Variants in MACF1 observed in about 807,000 individuals in gnomAD.
The protein encoded by MACF1 is microtubule-actin cross-linking factor 1.
A neutral mutation model predicts 854.8 loss-of-function variants in MACF1; 193 were observed. The observed-to-expected ratio is 0.23, with a 90% CI of 0.20 to 0.25. The LOEUF (loss-of-function observed/expected upper bound fraction) is 0.25. Ranked by LOEUF, MACF1 falls within the 10% of genes least tolerant of loss-of-function variation. The pLI, the probability that MACF1 is intolerant of heterozygous loss-of-function variation, is 1.00. For synonymous variants in MACF1, 3,185 were observed against 3,226.7 expected (o/e 0.99, Z 0.44); for missense variants, 7,722 against 8,929.1 (o/e 0.86, Z 5.45).
intron 2 of MACF1, among the ~76,000 whole-genome samples, chr1:39,136,960 A>G (rs1643188152): frequency 6.6e-6 from 1 of 152,230 alleles, no homozygotes. Flanking sequence ...ACTTTCTGCA[A>G]AACTGAAGGT....
intron 58 of MACF1, among the ~76,000 whole-genome samples, chr1:39,408,761 G>C (rs1479184790): frequency 1.3e-5 from 2 of 152,152 alleles, no homozygotes; most frequent in African/African-American, 4.8e-5. Context: ...CCGGGGGCGG[G>C]GCGTTCCCCT....
intron 1 of MACF1, among the ~76,000 whole-genome samples, chr1:39,210,198 A>G (rs1170230810): frequency 6.6e-6 from 1 of 151,950 alleles, no homozygotes; most frequent in Non-Finnish European, 1.5e-5. Context: ...TAATTCTTCC[A>G]TTTATGGCAA....
intron 80 of MACF1, among the ~76,000 whole-genome samples, chr1:39,446,216 G>A (rs1301102118): frequency 1.3e-5 from 2 of 152,200 alleles, no homozygotes; most frequent in South Asian, 2.1e-4. Context: ...TTTATTAAAT[G>A]TGTGTGGTGC....
chr1:39,087,147 G>A (rs1641693187), intron 2 of MACF1, among the ~76,000 whole-genome samples: 1 of 152,224 alleles, frequency 6.6e-6, no homozygotes, highest in African/African-American at 2.4e-5. Context: ...GGAGACCCTG[G>A]ATGCTCTGAA....
At chr1:39,364,062 A>T (rs1298624066) in intron 49 of MACF1, among the ~76,000 whole-genome samples, 1 of 152,184 alleles carries the variant, frequency 6.6e-6, no homozygotes, top group African/African-American at 2.4e-5. Flanking sequence ...AAGGGTAAAT[A>T]CATGTATAGT....
intron 42 of MACF1, among the ~76,000 whole-genome samples, 154 bp downstream of exon 42, chr1:39,349,781 G>A (rs1400121355): frequency 1.3e-5 from 2 of 152,164 alleles, no homozygotes; most frequent in Non-Finnish European, 2.9e-5. Context: ...AAAGTCATGA[G>A]CCACCATGTC....
Position 39,149,869 on chromosome 1 carries a change from T to G in MACF1, c.220+65431T>G, listed in dbSNP as rs568639632. Among the ~76,000 whole-genome samples, 4 of 152,348 alleles carry G rather than the reference T, an allele frequency of 2.6e-5. No homozygotes were observed. In the South Asian group the frequency reaches 8.3e-4, roughly 32 times the overall value. ...CTCAAAGCCCTGTAGGAAGTCTTCTTTGATCTCTCCACTGGAAGTTAGTTC... is the reference window on the plus strand; with the variant it reads ...CTCAAAGCCCTGTAGGAAGTCTTCTGTGATCTCTCCACTGGAAGTTAGTTC... On this transcript the variant is annotated intron_variant, in intron 2 of 93. Coordinates refer to the MACF1 transcript ENST00000361689.
At chr1:39,392,111 G>T (rs147322602) in intron 58 of MACF1, among the ~76,000 whole-genome samples, 2 of 152,194 alleles carry the variant, frequency 1.3e-5, no homozygotes, top group East Asian at 3.9e-4. Context: ...TGTCCACCTT[G>T]TAGGGAAGTC....
rs574236387 is a variant in MACF1, at chr1:39,448,537, C to G, written c.20089-57C>G. 3.0e-5 allele frequency: 41 copies of G among 1,375,688 alleles called. No homozygotes were observed. The African/African-American group carries it at 5.8e-4, about 20-fold the overall frequency. 85.2% of individuals were successfully genotyped at this position (1,375,688 alleles called of 1,614,324 possible). A position where few individuals can be genotyped will look rare whatever the true frequency, so the allele number is the denominator to read the frequency against. On this transcript the variant is annotated intron_variant, in intron 83 of 100. Transcript: ENST00000564288. The stretch of plus-strand genomic sequence containing the variant: ...CCTGAAAACTCAAATTCTTTTGTTC[C>G]AAATCAAGATGTCGTCTGACTTTTA...
intron 2 of MACF1, among the ~76,000 whole-genome samples, chr1:39,140,914 C>CAG (rs1643328592): frequency 2.1e-5 from 1 of 48,270 alleles, no homozygotes; most frequent in Non-Finnish European, 3.4e-5. Flanking sequence ...GACTCTGTCT[C>CAG]AAAAAAAAAA....
At chr1:39,412,339 A>C (rs773943650) in intron 58 of MACF1, 1 of 1,614,044 alleles carries the variant, frequency 6.2e-7, no homozygotes, top group Non-Finnish European at 8.5e-7. Flanking sequence ...TGTAACTGTT[A>C]ATCAAGAAAA....
intron 2 of MACF1, among the ~76,000 whole-genome samples, chr1:39,144,855 C>G (rs1643428153): frequency 6.6e-6 from 1 of 152,058 alleles, no homozygotes; most frequent in Admixed American, 6.6e-5. Context: ...TGCAATTGCT[C>G]CATTCCTCCT....
chr1:39,311,515 T>G (rs1407475703), intron 26 of MACF1, among the ~76,000 whole-genome samples: 1 of 152,198 alleles, frequency 6.6e-6, no homozygotes, highest in Non-Finnish European at 1.5e-5. Context: ...AAATTAATGG[T>G]ATAGTACATA....
Position 39,432,544 on chromosome 1 carries a change from G to A in MACF1, c.17347G>A (p.Ala5783Thr), listed in dbSNP as rs201602708. ...TTAATACGTCTATTAGTATGAGCAAGCTGCCGATGCAGAACTAGCTTGGGT... is the reference window on the plus strand; with the variant it reads ...TTAATACGTCTATTAGTATGAGCAAACTGCCGATGCAGAACTAGCTTGGGT... ...AIQRSQQYEQ[A>T]ADAELAWVAE... Residue 5783 changes from alanine (A) to threonine (T), a missense_variant, in exon 67 of 101, where the codon GCT becomes ACT. Coordinates refer to ENST00000564288, the MANE Select transcript of MACF1 (RefSeq NM_001394062.1). 9.4e-5 allele frequency: 152 copies of A among 1,614,038 alleles called. No individual in the cohort carries two copies. Among genetic ancestry groups the A allele is most frequent in the Admixed American group, 5.3e-4 (32 of 60,002 alleles).
chr1:39,466,727 C>T (rs1310333437), intron 95 of MACF1, among the ~76,000 whole-genome samples: 1 of 152,222 alleles, frequency 6.6e-6, no homozygotes, highest in Non-Finnish European at 1.5e-5. Context: ...GGGCAGCTTC[C>T]TTCCCAGGAC....
intron 2 of MACF1, among the ~76,000 whole-genome samples, chr1:39,145,762 T>C (rs187130912): frequency 6.1e-4 from 93 of 152,352 alleles, no homozygotes; most frequent in African/African-American, 2.1e-3. Flanking sequence ...TGAGTTGACC[T>C]ACTCTGGTGA....
chr1:39,175,499 A>G (rs1644010766), intron 2 of MACF1, among the ~76,000 whole-genome samples: 1 of 152,186 alleles, frequency 6.6e-6, no homozygotes, highest in Non-Finnish European at 1.5e-5. Flanking sequence ...AAATAACTTC[A>G]CTTTGGTGTA....
intron 2 of MACF1, among the ~76,000 whole-genome samples, chr1:39,238,872 T>G (rs546854653): frequency 6.6e-6 from 1 of 152,336 alleles, no homozygotes; most frequent in Admixed American, 6.5e-5. Flanking sequence ...TATTTGATTT[T>G]GGGCTGAGAA....
rs370451952 is a variant in MACF1 at position 39,296,780 on chromosome 1, G to GGAAGGAAGGA, written c.2356-840_2356-839insGAAGGAAGGA. 2.3e-3 allele frequency among the ~76,000 whole-genome samples: 168 copies of GGAAGGAAGGA among 71,612 alleles called. 4 individuals are homozygous for GGAAGGAAGGA. Among genetic ancestry groups the GGAAGGAAGGA allele is most frequent in the South Asian group, 4.2e-3 (8 of 1,910 alleles). 47.0% of individuals were successfully genotyped at this position (71,612 alleles called of 152,430 possible). A position where few individuals can be genotyped will look rare whatever the true frequency, so the allele number is the denominator to read the frequency against. On this transcript the variant is annotated intron_variant, in intron 20 of 100. Transcript: ENST00000564288. ...GAAGGAAGGAAGGAAGGAAAAGAAA[G>GGAAGGAAGGA]AAAGAAAGAAAGGAAGGAAGGAAAA...
Sources: gnomAD v4.1 joint callset for allele counts (sites outside exome capture counted in the v4.1 genomes callset) on GRCh38, gnomAD v4.1.1 for gene constraint, MANE v1.5 for transcripts, NCBI Gene and HGNC (gene_info 2026-07-23, HGNC 2026-07-21) for gene names.